Variants in IL1RAPL2 observed in about 807,000 individuals in gnomAD.
IL1RAPL2 encodes interleukin 1 receptor accessory protein like 2, also known as X-linked interleukin-1 receptor accessory protein-like 2.
Under a neutral mutation model 44.1 loss-of-function variants are expected in IL1RAPL2, and 3 were observed. The ratio of observed to expected loss-of-function variants is 0.07; its 90% CI spans 0.03 to 0.18. IL1RAPL2 has a LOEUF of 0.18. Among genes scored for constraint, IL1RAPL2 ranks in the 10% least tolerant of loss-of-function variants. The pLI, the probability that IL1RAPL2 is intolerant of heterozygous loss-of-function variation, is 1.00. For synonymous variants in IL1RAPL2, 181 were observed against 178.8 expected, an observed-to-expected ratio of 1.01 and a Z score of -0.10; for missense variants, 391 against 496.4, an observed-to-expected ratio of 0.79 and a Z score of 2.02.
At chrX:105,686,380 C>CAAAAAAAAAAAAAAAAAA (rs1177667576) in intron 6 of IL1RAPL2, among the ~76,000 whole-genome samples, 3 of 25,163 alleles carry the variant, frequency 1.2e-4, no homozygotes, top group African/African-American at 1.8e-4. Flanking sequence ...AAATGGAAAG[C>CAAAAAAAAAAAAAAAAAA]AAAAAAAAAA....
At chrX:105,083,882 G>C (rs904093217) in intron 2 of IL1RAPL2, among the ~76,000 whole-genome samples, 3 of 111,661 alleles carry the variant, frequency 2.7e-5, no homozygotes, top group African/African-American at 9.8e-5. Context: ...AAAGACCATC[G>C]ACACTATGAA....
intron 2 of IL1RAPL2, among the ~76,000 whole-genome samples, chrX:104,880,234 G>A (rs375816778): frequency 5.4e-5 from 6 of 111,188 alleles, no homozygotes; most frequent in Non-Finnish European, 9.4e-5. Flanking sequence ...TATGGCCTTA[G>A]CAGAGTAAGC....
chrX:105,682,628 T>C (rs759524803), intron 6 of IL1RAPL2, among the ~76,000 whole-genome samples: 7 of 112,416 alleles, frequency 6.2e-5, no homozygotes, highest in Non-Finnish European at 9.4e-5. Flanking sequence ...ATACCATTTC[T>C]GAAATATTTA....
At chrX:104,754,611 G>T (rs937483677) in intron 2 of IL1RAPL2, among the ~76,000 whole-genome samples, 4 of 111,416 alleles carry the variant, frequency 3.6e-5, no homozygotes, top group Admixed American at 2.9e-4. Flanking sequence ...TATCACAGAT[G>T]ATTACTCCCA....
intron 6 of IL1RAPL2, among the ~76,000 whole-genome samples, chrX:105,626,769 A>C (rs749043167): frequency 9.0e-6 from 1 of 111,715 alleles, no homozygotes; most frequent in East Asian, 2.8e-4. Flanking sequence ...AATAATTGAA[A>C]AGTTATCCAA....
At chrX:104,782,548 C>A (rs982239744) in intron 2 of IL1RAPL2, among the ~76,000 whole-genome samples, 4 of 111,806 alleles carry the variant, frequency 3.6e-5, no homozygotes, top group Non-Finnish European at 5.6e-5. Flanking sequence ...AACTTTTGTT[C>A]TGTCTACAGC....
intron 2 of IL1RAPL2, among the ~76,000 whole-genome samples, chrX:104,753,249 A>G (rs893210758): frequency 2.7e-5 from 3 of 110,132 alleles, no homozygotes; most frequent in African/African-American, 9.9e-5. Flanking sequence ...AGACATTTCA[A>G]CATAACTCAA....
intron 1 of IL1RAPL2, among the ~76,000 whole-genome samples, chrX:104,655,617 T>C (rs1345092592): frequency 8.9e-6 from 1 of 112,003 alleles, no homozygotes; most frequent in Non-Finnish European, 1.9e-5. Context: ...ATCAGGGATA[T>C]TGGTCTAAAA....
intron 2 of IL1RAPL2, among the ~76,000 whole-genome samples, chrX:104,713,595 A>ATG (rs1021356099): frequency 9.1e-5 from 10 of 110,082 alleles, no homozygotes; most frequent in Admixed American, 2.9e-4. Flanking sequence ...ACATCTTTTT[A>ATG]TGTGTATATA....
At chrX:105,243,381 G>A (rs1243900044) in intron 4 of IL1RAPL2, among the ~76,000 whole-genome samples, 1 of 108,821 alleles carries the variant, frequency 9.2e-6, no homozygotes, top group East Asian at 2.9e-4. Flanking sequence ...GTTTCCTGGG[G>A]CCTCCCCAGC....
chrX:104,608,705 A>G (rs758510521), intron 1 of IL1RAPL2, among the ~76,000 whole-genome samples: 2 of 82,889 alleles, frequency 2.4e-5, no homozygotes, highest in South Asian at 1.3e-3. Context: ...TACTTGGTAG[A>G]TCTTCCCTCC....
At chrX:105,625,574 C>T (rs1367684795) in intron 6 of IL1RAPL2, among the ~76,000 whole-genome samples, 2 of 111,839 alleles carry the variant, frequency 1.8e-5, no homozygotes, top group Non-Finnish European at 3.8e-5. Flanking sequence ...TGAACTCATT[C>T]TTATTTGGAG....
chrX:105,389,116 A>C (rs753579416), intron 5 of IL1RAPL2, among the ~76,000 whole-genome samples: 86 of 112,000 alleles, frequency 7.7e-4, no homozygotes, highest in Non-Finnish European at 1.5e-3. Flanking sequence ...TTCCAAATAT[A>C]TCACTTGCTT....
chrX:104,616,206 GTTGTT>G (rs754057957), intron 1 of IL1RAPL2, among the ~76,000 whole-genome samples: 46 of 112,015 alleles, frequency 4.1e-4, no homozygotes, highest in South Asian at 7.4e-4. Context: ...TTTTTCTGTT[GTTGTT>G]TTGTTTTGTT....
intron 6 of IL1RAPL2, among the ~76,000 whole-genome samples, chrX:105,518,314 G>T (rs2036530573): frequency 9.0e-6 from 1 of 111,032 alleles, no homozygotes; most frequent in Non-Finnish European, 1.9e-5. Flanking sequence ...CTGGGGATAA[G>T]AATACAAGCA....
chrX:104,911,641 A>T (rs148439336), intron 2 of IL1RAPL2, among the ~76,000 whole-genome samples: 1 of 111,687 alleles, frequency 9.0e-6, no homozygotes, highest in Non-Finnish European at 1.9e-5. Flanking sequence ...TGTAAATCAG[A>T]TGATGTCGTT....
At chrX:105,715,388 C>A (rs2038248576) in intron 6 of IL1RAPL2, among the ~76,000 whole-genome samples, 1 of 111,866 alleles carries the variant, frequency 8.9e-6, no homozygotes, top group African/African-American at 3.2e-5. Flanking sequence ...GACAAAGATA[C>A]ACAATTTATA....
chrX:104,847,357 A>G (rs1922082965), intron 2 of IL1RAPL2, among the ~76,000 whole-genome samples: 1 of 111,629 alleles, frequency 9.0e-6, no homozygotes, highest in East Asian at 2.8e-4. Context: ...TCCATCTTGA[A>G]TTAATTTTTG....
intron 7 of IL1RAPL2, among the ~76,000 whole-genome samples, chrX:105,732,578 C>G (rs2038415371): frequency 9.0e-6 from 1 of 111,383 alleles, no homozygotes; most frequent in Non-Finnish European, 1.9e-5. Flanking sequence ...TTCTGTACAG[C>G]CTGTGGAACG....
Sources: allele counts gnomAD v4.1 joint callset (sites outside exome capture counted in the v4.1 genomes callset), GRCh38; gene constraint gnomAD v4.1.1; transcripts MANE v1.5; gene names NCBI Gene and HGNC (gene_info 2026-07-23, HGNC 2026-07-21).